The following NRXN3 variants were observed in gnomAD, a reference collection of about 807,000 sequenced individuals.
NRXN3 encodes the protein neurexin III.
In NRXN3, 32 loss-of-function variants were observed where a neutral mutation model predicts 137.6. The ratio of observed to expected loss-of-function variants is 0.23; its 90% CI spans 0.18 to 0.31. The LOEUF (loss-of-function observed/expected upper bound fraction) is 0.31, where lower values mean the gene tolerates loss of function less well. Ranked by LOEUF, NRXN3 falls within the 10% of genes least tolerant of loss-of-function variation. The probability of loss-of-function intolerance (pLI) is 1.00; values close to 1 mark genes in which losing one functional copy is unlikely to be tolerated. For synonymous variants in NRXN3, 798 were observed against 784.5 expected (o/e 1.02, Z -0.29); for missense variants, 1,574 against 2,062.5 (o/e 0.76, Z 4.59).
At chr14:79,673,821 G>A (rs2098625503) in intron 17 of NRXN3, among the ~76,000 whole-genome samples, 1 of 152,072 alleles carries the variant, frequency 6.6e-6, no homozygotes, top group South Asian at 2.1e-4. Context: ...TTGCCAGGTA[G>A]GGTACTGGGT....
At chr14:78,568,188 C>T (rs12434020) in intron 4 of NRXN3, among the ~76,000 whole-genome samples, 8,280 of 152,094 alleles carry the variant, frequency 0.054, 356 homozygotes, top group African/African-American at 0.13. Flanking sequence ...CATGTTGAAA[C>T]GTAATCACCA....
At chr14:79,761,359 G>C (rs986335730) in intron 19 of NRXN3, among the ~76,000 whole-genome samples, 1 of 151,478 alleles carries the variant, frequency 6.6e-6, no homozygotes, top group Admixed American at 6.6e-5. Context: ...CAAATTGTTT[G>C]GTCAATAGAG....
At chr14:79,330,976 C>G (rs1161055159) in intron 15 of NRXN3, among the ~76,000 whole-genome samples, 1 of 152,012 alleles carries the variant, frequency 6.6e-6, no homozygotes, top group Non-Finnish European at 1.5e-5. Context: ...GAAAATGAAA[C>G]TTTTATTTTG....
chr14:79,389,574 T>G (rs1484565529), intron 15 of NRXN3, among the ~76,000 whole-genome samples: 1 of 152,176 alleles, frequency 6.6e-6, no homozygotes, highest in Non-Finnish European at 1.5e-5. Context: ...ATCTGATAAT[T>G]GGGAAAATAA....
intron 12 of NRXN3, among the ~76,000 whole-genome samples, chr14:78,966,879 A>G (rs1331078878): frequency 6.6e-6 from 1 of 152,190 alleles, no homozygotes; most frequent in Non-Finnish European, 1.5e-5. Context: ...CAAAAAACCA[A>G]AACAAAAACC....
intron 4 of NRXN3, among the ~76,000 whole-genome samples, chr14:78,319,976 C>G (rs1182626659): frequency 6.6e-6 from 1 of 152,208 alleles, no homozygotes; most frequent in Admixed American, 6.5e-5. Flanking sequence ...CTTGGGACTG[C>G]TGCTGGAGGA....
intron 4 of NRXN3, among the ~76,000 whole-genome samples, chr14:78,482,463 G>A (rs1224286433): frequency 1.3e-5 from 2 of 152,082 alleles, no homozygotes; most frequent in African/African-American, 4.8e-5. Flanking sequence ...GAAATAGCTG[G>A]GGCTAGACCC....
intron 4 of NRXN3, among the ~76,000 whole-genome samples, chr14:78,432,895 G>T (rs936327858): frequency 6.6e-5 from 10 of 152,202 alleles, no homozygotes; most frequent in Admixed American, 4.6e-4. Context: ...AAGAAGACCC[G>T]TCAGGGAAGA....
chr14:78,796,084 C>T lies in NRXN3; in HGVS notation c.2045-7536C>T, dbSNP rs554462255. 4.7e-4 allele frequency among the ~76,000 whole-genome samples: 71 copies of T among 152,282 alleles called. 1 individual carries two copies. The South Asian group carries it at 0.012, about 27-fold the overall frequency. On this transcript the variant is annotated intron_variant, in intron 8 of 20. Coordinates refer to ENST00000335750, the MANE Select transcript of NRXN3 (RefSeq NM_001330195.2). ...TTTCCCCAGATTCATGTTGCAGAAG[C>T]GGTATTATGGGTAGGCATAGCCAAG...
intron 4 of NRXN3, among the ~76,000 whole-genome samples, chr14:78,497,122 CT>C (rs1388009251): frequency 6.6e-6 from 1 of 152,086 alleles, no homozygotes; most frequent in Non-Finnish European, 1.5e-5. Context: ...ATTGTAGGAT[CT>C]AGATCAAACT....
chr14:78,263,036 T>C (rs12432191), intron 2 of NRXN3, among the ~76,000 whole-genome samples: 9,761 of 113,008 alleles, frequency 0.086, 424 homozygotes, highest in Middle Eastern at 0.13. Context: ...TGTAGTACAT[T>C]TTTGGTGAAG....
intron 19 of NRXN3, among the ~76,000 whole-genome samples, chr14:79,703,377 G>A (rs1365468386): frequency 3.3e-5 from 5 of 152,124 alleles, no homozygotes; most frequent in African/African-American, 7.2e-5. Flanking sequence ...CCTGCGCAAC[G>A]TCTGTTCTGG....
intron 15 of NRXN3, among the ~76,000 whole-genome samples, chr14:79,236,113 A>G (rs1285061574): frequency 6.6e-6 from 1 of 152,174 alleles, no homozygotes. Flanking sequence ...TCACAATGCC[A>G]TGAGAAAATC....
rs1567645225 is a variant in NRXN3 at position 78,456,857 on chromosome 14, T to TTTC, written c.757+158998_757+158999insTCT. On this transcript the variant is annotated intron_variant, in intron 4 of 20. Transcript: ENST00000335750. ...TCTTTCTTTCTTTCTTTCTTTCTTT[T>TTTC]TCTCTTTCTTTCTTTCTTTCTTTCC... 5.4e-3 allele frequency among the ~76,000 whole-genome samples: 158 copies of TTTC among 29,078 alleles called. 1 individual carries two copies. Among genetic ancestry groups the TTTC allele is most frequent in the Non-Finnish European group, 0.011 (112 of 10,528 alleles). 19.1% of individuals were successfully genotyped at this position (29,078 alleles called of 152,430 possible). A position where few individuals can be genotyped will look rare whatever the true frequency, so the allele number is the denominator to read the frequency against.
At chr14:79,550,410 A>G (rs1249192308) in intron 16 of NRXN3, among the ~76,000 whole-genome samples, 1 of 152,144 alleles carries the variant, frequency 6.6e-6, no homozygotes, top group Non-Finnish European at 1.5e-5. Flanking sequence ...TCTGAATTCT[A>G]TAGGACATAT....
chr14:79,042,168 T>A (rs1473380840), intron 15 of NRXN3, among the ~76,000 whole-genome samples: 1 of 152,194 alleles, frequency 6.6e-6, no homozygotes, highest in Non-Finnish European at 1.5e-5. Context: ...CAAGCAACTG[T>A]GATGGGGACC....
intron 10 of NRXN3, among the ~76,000 whole-genome samples, chr14:78,946,094 C>A (rs534171017): frequency 6.6e-6 from 1 of 152,282 alleles, no homozygotes; most frequent in South Asian, 2.1e-4. Context: ...ACCACAGCAA[C>A]TTTATGGGAT....
Position 79,717,726 on chromosome 14 carries a change from A to G in NRXN3, c.4014+19789A>G, listed in dbSNP as rs532861802. Among the ~76,000 whole-genome samples the G allele has an allele frequency of 3.9e-5, 6 of 152,250 alleles. No individual in the cohort carries two copies. The South Asian group carries it at 1.2e-3, about 31-fold the overall frequency. On this transcript the variant is annotated intron_variant, in intron 19 of 20. Transcript: ENST00000335750. ...CCAAGCTACTATAGTGCCCTTTCTT[A>G]TCTTGGTTTTATGTTTTTCCACTAT...
At chr14:78,512,775 T>TA (rs1396283784) in intron 4 of NRXN3, among the ~76,000 whole-genome samples, 2 of 152,042 alleles carry the variant, frequency 1.3e-5, no homozygotes, top group African/African-American at 2.4e-5. Flanking sequence ...CCCTAAGAGA[T>TA]AAAAAAGGAA....
Sources: gnomAD v4.1 joint callset for allele counts (sites outside exome capture counted in the v4.1 genomes callset) on GRCh38, gnomAD v4.1.1 for gene constraint, MANE v1.5 for transcripts, NCBI Gene and HGNC (gene_info 2026-07-23, HGNC 2026-07-21) for gene names.